The following RAB11FIP4 variants were observed in gnomAD, a reference collection of about 807,000 sequenced individuals.
The protein encoded by RAB11FIP4 is rab11 family-interacting protein 4.
In RAB11FIP4, 23 loss-of-function variants were observed where a neutral mutation model predicts 74.3. The ratio of observed to expected loss-of-function variants is 0.31; its 90% CI spans 0.22 to 0.44. RAB11FIP4 has a LOEUF of 0.44. Ranked by LOEUF, RAB11FIP4 falls within the 20% of genes least tolerant of loss-of-function variation. The pLI, the probability that RAB11FIP4 is intolerant of heterozygous loss-of-function variation, is 1.00. For missense variants in RAB11FIP4, 630 were observed against 863.9 expected, an observed-to-expected ratio of 0.73 and a Z score of 3.39; for synonymous variants, 360 against 359.9, an observed-to-expected ratio of 1.00 and a Z score of 0.00.
At chr17:31,416,719 G>C (rs2071151628) in intron 1 of RAB11FIP4, among the ~76,000 whole-genome samples, 2 of 152,210 alleles carry the variant, frequency 1.3e-5, no homozygotes, top group Non-Finnish European at 2.9e-5. Context: ...AGAGCTAGGG[G>C]CAGTTGGATT....
chr17:31,402,598 TTTTATTTA>T (rs3058625), intron 1 of RAB11FIP4, among the ~76,000 whole-genome samples: 2,228 of 142,790 alleles, frequency 0.016, 34 homozygotes, highest in Admixed American at 0.038. Context: ...TTTTATTTAT[TTTTATTTA>T]TTTATTTATT....
At chr17:31,520,701 G>A (rs2072647457) in intron 4 of RAB11FIP4, among the ~76,000 whole-genome samples, 1 of 152,026 alleles carries the variant, frequency 6.6e-6, no homozygotes, top group African/African-American at 2.4e-5. Context: ...TAGAGTTGGG[G>A]TTTCACCATG....
At chr17:31,483,933 G>C (rs1473904605) in intron 3 of RAB11FIP4, among the ~76,000 whole-genome samples, 2 of 152,242 alleles carry the variant, frequency 1.3e-5, no homozygotes, top group East Asian at 1.9e-4. Context: ...GAGAGGCCAG[G>C]CATGGTGGCT....
chr17:31,466,013 C>T (rs916850133), intron 3 of RAB11FIP4, among the ~76,000 whole-genome samples: 28 of 95,880 alleles, frequency 2.9e-4, no homozygotes, highest in Middle Eastern at 5.0e-3. Flanking sequence ...TGTGGTAGCA[C>T]GCGCCTGTAA....
chr17:31,490,814 C>T (rs1282894765), intron 3 of RAB11FIP4, among the ~76,000 whole-genome samples: 1 of 152,250 alleles, frequency 6.6e-6, no homozygotes, highest in East Asian at 1.9e-4. Context: ...GCCTCACCTT[C>T]CCAAAGCGCT....
chr17:31,490,052 T>G (rs998140275), intron 3 of RAB11FIP4, among the ~76,000 whole-genome samples: 1 of 151,874 alleles, frequency 6.6e-6, no homozygotes, highest in African/African-American at 2.4e-5. Flanking sequence ...CAGAAGAAAT[T>G]AGAGGGCCCA....
intron 3 of RAB11FIP4, among the ~76,000 whole-genome samples, chr17:31,496,650 T>A (rs1219607113): frequency 6.6e-6 from 1 of 152,234 alleles, no homozygotes; most frequent in Admixed American, 6.5e-5. Flanking sequence ...GTAGCCTCTT[T>A]GAAGCTCCCT....
At chr17:31,458,648 G>A (rs965125392) in intron 3 of RAB11FIP4, among the ~76,000 whole-genome samples, 1 of 152,150 alleles carries the variant, frequency 6.6e-6, no homozygotes, top group African/African-American at 2.4e-5. Flanking sequence ...GGCTTCTGGG[G>A]GTCTTCAAAA....
Position 31,522,086 on chromosome 17 carries a change from G to A in RAB11FIP4, c.893+37G>A, listed in dbSNP as rs777147106. On this transcript the variant is annotated intron_variant, in intron 6 of 14. Transcript: ENST00000621161. ...GCCCAGCTGGGGGGTGAGAGGCCGG[G>A]GGGCCAGGGCAGGGCCTGGAGGGAG... The A allele has an allele frequency of 4.3e-6, 7 of 1,613,136 alleles. No individual in the cohort carries two copies. The Admixed American group carries it at 5.0e-5, about 12-fold the overall frequency.
At chr17:31,506,869 A>G (rs769603212) in intron 3 of RAB11FIP4, among the ~76,000 whole-genome samples, 1 of 152,200 alleles carries the variant, frequency 6.6e-6, no homozygotes, top group Non-Finnish European at 1.5e-5. Context: ...TCTCTTTGAC[A>G]TACTGATTTC....
rs1337749351 is a variant in RAB11FIP4, at chr17:31,534,884, C to T, written c.*3152C>T. 3 of 154,256 alleles carry T rather than the reference C, an allele frequency of 1.9e-5. No individual in the cohort carries two copies. Among genetic ancestry groups the T allele is most frequent in the Non-Finnish European group, 2.9e-5 (2 of 68,214 alleles). The allele number at this position is 154,256 out of a possible 1,614,324, so 9.6% of individuals were successfully genotyped here. On this transcript the variant is annotated 3_prime_UTR_variant, in exon 15 of 15. Transcript: ENST00000621161. ...TGCCCTTGCGTTCAGTTGGAAGCCA[C>T]GCAAAATGAACTGAACCAGGAGTGA...
At chr17:31,437,754 C>T (rs573228381) in intron 3 of RAB11FIP4, among the ~76,000 whole-genome samples, 2 of 152,274 alleles carry the variant, frequency 1.3e-5, no homozygotes, top group African/African-American at 4.8e-5. Flanking sequence ...GCAGCTGCCA[C>T]CTGGCCCCTG....
chr17:31,456,959 T>C (rs2071584553), intron 3 of RAB11FIP4, among the ~76,000 whole-genome samples: 4 of 152,268 alleles, frequency 2.6e-5, no homozygotes, highest in Admixed American at 2.0e-4. Flanking sequence ...AGGGTTGTTC[T>C]TTTCTAGGCA....
In RAB11FIP4 at chr17:31,445,566, ATATATATATATATTTTTTTTTT is replaced by A. The variant is rs1158915484; in HGVS notation, c.336+11446_336+11467del. Among the ~76,000 whole-genome samples the A allele has an allele frequency of 1.7e-3, 21 of 12,432 alleles. 2 individuals carry two copies. The East Asian group carries it at 0.02, about 12-fold the overall frequency. The allele number at this position is 12,432 out of a possible 152,430, so 8.2% of individuals were successfully genotyped here. A position where few individuals can be genotyped will look rare whatever the true frequency, so the allele number is the denominator to read the frequency against. Reference sequence around the variant, plus strand: ...TATATATATATATATATATATATATATATATATATATATTTTTTTTTTTTTTTTTTTTTTTTTGACACGGAGT... The same window carrying A: ...TATATATATATATATATATATATATATTTTTTTTTTTTTTTGACACGGAGT... On this transcript the variant is annotated intron_variant, in intron 3 of 14. Transcript: ENST00000621161.
At chr17:31,447,155 G>A (rs1385550580) in intron 3 of RAB11FIP4, among the ~76,000 whole-genome samples, 3 of 152,196 alleles carry the variant, frequency 2.0e-5, no homozygotes, top group Non-Finnish European at 4.4e-5. Flanking sequence ...GTGGTGGTGG[G>A]CGCCTGTAGT....
chr17:31,398,346 A>G (rs1025137506), intron 1 of RAB11FIP4, among the ~76,000 whole-genome samples: 1 of 152,160 alleles, frequency 6.6e-6, no homozygotes, highest in Non-Finnish European at 1.5e-5. Context: ...GGCCTGTCAG[A>G]CACTCTTGAC....
intron 3 of RAB11FIP4, among the ~76,000 whole-genome samples, chr17:31,486,863 G>A (rs2071908679): frequency 6.6e-6 from 1 of 152,220 alleles, no homozygotes; most frequent in Non-Finnish European, 1.5e-5. Flanking sequence ...TCAGAGACAA[G>A]CCCTGGTAAA....
At chr17:31,458,482 A>G (rs2071601930) in intron 3 of RAB11FIP4, among the ~76,000 whole-genome samples, 1 of 152,186 alleles carries the variant, frequency 6.6e-6, no homozygotes, top group Non-Finnish European at 1.5e-5. Flanking sequence ...AGGGGGTCCT[A>G]AAATGGAAGC....
At chr17:31,443,636 G>A (rs1438463944) in intron 3 of RAB11FIP4, among the ~76,000 whole-genome samples, 2 of 152,142 alleles carry the variant, frequency 1.3e-5, no homozygotes, top group African/African-American at 4.8e-5. Flanking sequence ...TTTGCCCGGT[G>A]CAGTGGCTCA....
Sources: gnomAD v4.1 joint callset for allele counts (sites outside exome capture counted in the v4.1 genomes callset) on GRCh38, gnomAD v4.1.1 for gene constraint, MANE v1.5 for transcripts, NCBI Gene and HGNC (gene_info 2026-07-23, HGNC 2026-07-21) for gene names.